The following SPATA31D4 variants were observed in gnomAD, a reference collection of about 807,000 sequenced individuals.
The protein encoded by SPATA31D4 is SPATA31 subfamily D member 4.
For missense variants in SPATA31D4, 73 were observed against 279.1 expected, an observed-to-expected ratio of 0.26 and a Z score of 5.26; for synonymous variants, 23 against 102.8, an observed-to-expected ratio of 0.22 and a Z score of 4.70.
intron 3 of SPATA31D4, 55 bp downstream of exon 3, chr9:81,930,215 T>A: frequency 1.9e-6 from 1 of 526,228 alleles, no homozygotes. Flanking sequence ...TTTTTTTTTT[T>A]TTTTTTTTTT....
Position 81,933,164 on chromosome 9 carries a change from G to C in SPATA31D4, c.*249G>C. On this transcript the variant is annotated 3_prime_UTR_variant, in exon 4 of 4. Transcript: ENST00000419782. Reference sequence around the variant, plus strand: ...GCCTGTCTCCTCACCTATTGGCAAAGAAGGGCAGGGGACCCTGAGAAGACA... The same window carrying C: ...GCCTGTCTCCTCACCTATTGGCAAACAAGGGCAGGGGACCCTGAGAAGACA... 1.5e-6 allele frequency: 1 copy of C among 676,774 alleles called. No homozygotes were observed. The highest frequency in any genetic ancestry group is 2.5e-6 in the Non-Finnish European group (1 of 395,172). The allele number at this position is 676,774 out of a possible 1,614,324, so 41.9% of individuals were successfully genotyped here.
In SPATA31D4 at chr9:81,932,977, G is replaced by A. The variant is rs1290143799; in HGVS notation, c.*62G>A. 31 of 1,504,252 alleles carry A rather than the reference G, an allele frequency of 2.1e-5. 3 individuals are homozygous for A. Among genetic ancestry groups the A allele is most frequent in the African/African-American group, 2.8e-5 (2 of 71,442 alleles). The allele number at this position is 1,504,252 out of a possible 1,614,324, so 93.2% of individuals were successfully genotyped here. A position where few individuals can be genotyped will look rare whatever the true frequency, so the allele number is the denominator to read the frequency against. On this transcript the variant is annotated 3_prime_UTR_variant, in exon 4 of 4. Transcript: ENST00000419782. Reference sequence around the variant, plus strand: ...CCATAGAAATCTTCAAATCAGAAGAGGATATTTCCAATTCCTTTTCCCATT... The same window carrying A: ...CCATAGAAATCTTCAAATCAGAAGAAGATATTTCCAATTCCTTTTCCCATT...
rs1361799737 is a variant in SPATA31D4 at position 81,932,525 on chromosome 9, AT to A, written c.2365del (p.Ser789LeufsTer6). The A allele has an allele frequency of 6.7e-7, 1 of 1,487,634 alleles. No homozygotes were observed. The highest frequency in any genetic ancestry group is 9.2e-7 in the Non-Finnish European group (1 of 1,087,036). The allele number at this position is 1,487,634 out of a possible 1,614,324, so 92.2% of individuals were successfully genotyped here. ...ACCATCTCTTGCATGATCCGGAGAC[AT>A]CTTCAGACGAGGATCTGAGGTCTAA... ...KNHLLHDPET[S>X]SDEDLRSNSE... On this transcript the variant is annotated frameshift_variant, in exon 4 of 4. Coordinates refer to ENST00000419782, the MANE Select transcript of SPATA31D4 (RefSeq NM_001145197.1). LOFTEE classifies it low-confidence loss of function (END_TRUNC).
At chr9:81,930,195 C>G in intron 3 of SPATA31D4, 35 bp downstream of exon 3, 1 of 471,912 alleles carries the variant, frequency 2.1e-6, no homozygotes, top group Non-Finnish European at 2.8e-6. Flanking sequence ...CTGTTCCCAC[C>G]GCCTTCTTTT....
Position 81,932,535 on chromosome 9 carries a change from G to A in SPATA31D4, c.2374G>A (p.Glu792Lys), listed in dbSNP as rs368419977. 3.0e-4 allele frequency: 444 copies of A among 1,487,400 alleles called. 17 individuals are homozygous for A. The African/African-American group carries it at 4.8e-3, about 16-fold the overall frequency. 92.1% of individuals were successfully genotyped at this position (1,487,400 alleles called of 1,614,324 possible). ...LLHDPETSSDEDLRSNSERDL... is the reference protein window; with the variant it reads ...LLHDPETSSDKDLRSNSERDL... ...GCATGATCCGGAGACATCTTCAGAC[G>A]AGGATCTGAGGTCTAACTCTGAGAG... is the stretch of plus-strand genomic sequence containing the variant. Residue 792 changes from glutamate to lysine, a missense_variant, in exon 4 of 4, where the codon GAG becomes AAG. Physicochemically the swap from Glu to Lys is moderately conservative, Grantham distance 56 (BLOSUM62 1). Coordinates refer to ENST00000419782, the MANE Select transcript of SPATA31D4 (RefSeq NM_001145197.1).
At chr9:81,930,043 T>A in intron 2 of SPATA31D4, 57 bp from the exon 3 acceptor site, 2 of 162,900 alleles carry the variant, frequency 1.2e-5, no homozygotes, top group Non-Finnish European at 1.9e-5. Flanking sequence ...GAGTTACTTC[T>A]GTATGATCCC....
Position 81,933,028 on chromosome 9 carries a change from T to C in SPATA31D4, c.*113T>C. 6.9e-7 allele frequency: 1 copy of C among 1,449,092 alleles called. No homozygotes were observed. Among genetic ancestry groups the C allele is most frequent in the Non-Finnish European group, 9.5e-7 (1 of 1,048,266 alleles). The allele number at this position is 1,449,092 out of a possible 1,614,324, so 89.8% of individuals were successfully genotyped here. A position where few individuals can be genotyped will look rare whatever the true frequency, so the allele number is the denominator to read the frequency against. On this transcript the variant is annotated 3_prime_UTR_variant, in exon 4 of 4. Transcript: ENST00000419782. Reference sequence around the variant, plus strand: ...TCTACCTTCCCTCCTCAGCCAGCTTTATTTCTCAGGGAGATTCCAAAGATG... The same window carrying C: ...TCTACCTTCCCTCCTCAGCCAGCTTCATTTCTCAGGGAGATTCCAAAGATG...
At position 81,934,041 on chromosome 9, in the gene SPATA31D4, C is replaced by T. The variant is rs545624968; in HGVS notation, c.*1126C>T. On this transcript the variant is annotated 3_prime_UTR_variant, in exon 4 of 4. Coordinates refer to ENST00000419782, the MANE Select transcript of SPATA31D4 (RefSeq NM_001145197.1). ...CAGCAGCAGGAGCACAGGGTCCCTA[C>T]GCATGTCTTACAGAAATGCCAAGTT... 12 of 343,576 alleles carry T rather than the reference C, an allele frequency of 3.5e-5. 2 individuals carry two copies. Among genetic ancestry groups the T allele is most frequent in the South Asian group, 9.9e-5 (3 of 30,372 alleles). The allele number at this position is 343,576 out of a possible 1,614,324, so 21.3% of individuals were successfully genotyped here. A position where few individuals can be genotyped will look rare whatever the true frequency, so the allele number is the denominator to read the frequency against.
In SPATA31D4 at chr9:81,932,782, C is replaced by T. The variant is rs769660035; in HGVS notation, c.2621C>T (p.Ala874Val). 30 of 1,532,712 alleles carry T rather than the reference C, an allele frequency of 2.0e-5. 5 individuals are homozygous for T. The highest frequency in any genetic ancestry group is 2.6e-5 in the Non-Finnish European group (29 of 1,118,620). 94.9% of individuals were successfully genotyped at this position (1,532,712 alleles called of 1,614,324 possible). A position where few individuals can be genotyped will look rare whatever the true frequency, so the allele number is the denominator to read the frequency against. The change falls in exon 4 of 4, where the codon GCA becomes GTA. Residue 874 changes from alanine (A) to valine (V), a missense_variant. Ala to Val is a moderately conservative substitution (Grantham distance 64, BLOSUM62 0). Coordinates refer to ENST00000419782, the MANE Select transcript of SPATA31D4 (RefSeq NM_001145197.1). Reference sequence around the variant, plus strand: ...AGCCAAATTAAACATCGAAATTTGGCAGCATTGGTGAGTGAGGACCACGGC... The same window carrying T: ...AGCCAAATTAAACATCGAAATTTGGTAGCATTGGTGAGTGAGGACCACGGC... ...SHSQIKHRNL[A>V]ALVSEDHGVD...
At position 81,932,585 on chromosome 9, in the gene SPATA31D4, T is replaced by C. The variant is rs771007536; in HGVS notation, c.2424T>C (p.His808=). The change falls in exon 4 of 4, where the codon CAT becomes CAC. Residue 808 remains histidine (H), a synonymous_variant. Transcript: ENST00000419782. ...SERDLGTHMM[H]LSGNDSGVRL... ...GAGACCTAGGAACTCATATGATGCATCTGTCAGGGAATGATTCAGGGGTGA... is the reference window on the plus strand; with the variant it reads ...GAGACCTAGGAACTCATATGATGCACCTGTCAGGGAATGATTCAGGGGTGA... The C allele has an allele frequency of 4.0e-6, 6 of 1,506,094 alleles. 1 individual carries two copies. Among genetic ancestry groups the C allele is most frequent in the Non-Finnish European group, 5.5e-6 (6 of 1,098,410 alleles). The allele number at this position is 1,506,094 out of a possible 1,614,324, so 93.3% of individuals were successfully genotyped here.
Position 81,932,936 on chromosome 9 carries a change from C to A in SPATA31D4, c.*21C>A, listed in dbSNP as rs765550148. The A allele has an allele frequency of 1.3e-6, 2 of 1,505,850 alleles. No homozygotes were observed. The highest frequency in any genetic ancestry group is 4.6e-5 in the East Asian group (2 of 43,424). 93.3% of individuals were successfully genotyped at this position (1,505,850 alleles called of 1,614,324 possible). On this transcript the variant is annotated 3_prime_UTR_variant, in exon 4 of 4. Transcript: ENST00000419782. ...TATGAGGATGCTGTGGGGCCTTCCC[C>A]GCAAGATCCGTGAACCCATAGAAAT... is the stretch of plus-strand genomic sequence containing the variant.
Position 81,934,820 on chromosome 9 carries a change from GTCACCC to G in SPATA31D4, c.*1907_*1912del. The G allele has an allele frequency of 4.1e-6, 2 of 484,458 alleles. No individual in the cohort carries two copies. Among genetic ancestry groups the G allele is most frequent in the Non-Finnish European group, 7.8e-6 (2 of 257,992 alleles). 30.0% of individuals were successfully genotyped at this position (484,458 alleles called of 1,614,324 possible). ...TCTAAACCCCACTTGTCAGCGTCAAGTCACCCTGGTGTGTCCAGCTGTCCCAATTAG... is the reference window on the plus strand; with the variant it reads ...TCTAAACCCCACTTGTCAGCGTCAAGTGGTGTGTCCAGCTGTCCCAATTAG... On this transcript the variant is annotated 3_prime_UTR_variant, in exon 4 of 4. Transcript: ENST00000419782.
In SPATA31D4 at chr9:81,932,972, G is replaced by C; in HGVS notation, c.*57G>C. On this transcript the variant is annotated 3_prime_UTR_variant, in exon 4 of 4. Transcript: ENST00000419782. ...TGAACCCATAGAAATCTTCAAATCAGAAGAGGATATTTCCAATTCCTTTTC... is the reference window on the plus strand; with the variant it reads ...TGAACCCATAGAAATCTTCAAATCACAAGAGGATATTTCCAATTCCTTTTC... The C allele has an allele frequency of 6.6e-7, 1 of 1,508,636 alleles. No individual in the cohort carries two copies. Among genetic ancestry groups the C allele is most frequent in the Non-Finnish European group, 9.1e-7 (1 of 1,103,876 alleles). The allele number at this position is 1,508,636 out of a possible 1,614,324, so 93.5% of individuals were successfully genotyped here.
At position 81,934,203 on chromosome 9, in the gene SPATA31D4, A is replaced by T. The variant is rs201024176; in HGVS notation, c.*1288A>T. 6.2e-3 allele frequency: 2,236 copies of T among 357,884 alleles called. No homozygotes were observed. Among genetic ancestry groups the T allele is most frequent in the African/African-American group, 0.048 (2,019 of 42,046 alleles). The allele number at this position is 357,884 out of a possible 1,614,324, so 22.2% of individuals were successfully genotyped here. A position where few individuals can be genotyped will look rare whatever the true frequency, so the allele number is the denominator to read the frequency against. On this transcript the variant is annotated 3_prime_UTR_variant, in exon 4 of 4. Transcript: ENST00000419782. ...CCTGTTCATAACAAGGCATCAGGAG[A>T]GGTGCCTGGGAGCAAATCTTCCCCA...
chr9:81,933,388 TACTG>T lies in SPATA31D4; in HGVS notation c.*476_*479del, dbSNP rs1470289379. The T allele has an allele frequency of 1.0e-3, 156 of 150,386 alleles. 4 individuals are homozygous for T. In the South Asian group the frequency reaches 0.014, roughly 13 times the overall value. 9.3% of individuals were successfully genotyped at this position (150,386 alleles called of 1,614,324 possible). A position where few individuals can be genotyped will look rare whatever the true frequency, so the allele number is the denominator to read the frequency against. Reference sequence around the variant, plus strand: ...GGACCCTCAGAAGAGAATTCGCTGATACTGACGAGGATCTTACAGAAAGTGTCTG... The same window carrying T: ...GGACCCTCAGAAGAGAATTCGCTGATACGAGGATCTTACAGAAAGTGTCTG... On this transcript the variant is annotated 3_prime_UTR_variant, in exon 4 of 4. Coordinates refer to ENST00000419782, the MANE Select transcript of SPATA31D4 (RefSeq NM_001145197.1).
chr9:81,934,059 G>A lies in SPATA31D4; in HGVS notation c.*1144G>A, dbSNP rs1178385885. 1.2e-4 allele frequency: 43 copies of A among 360,892 alleles called. 3 individuals carry two copies. Among genetic ancestry groups the A allele is most frequent in the East Asian group, 5.5e-4 (14 of 25,666 alleles). The allele number at this position is 360,892 out of a possible 1,614,324, so 22.4% of individuals were successfully genotyped here. A position where few individuals can be genotyped will look rare whatever the true frequency, so the allele number is the denominator to read the frequency against. ...GTCCCTACGCATGTCTTACAGAAAT[G>A]CCAAGTTAAGAATTTTTCACCAGCT... On this transcript the variant is annotated 3_prime_UTR_variant, in exon 4 of 4. Coordinates refer to ENST00000419782, the MANE Select transcript of SPATA31D4 (RefSeq NM_001145197.1).
At position 81,932,091 on chromosome 9, in the gene SPATA31D4, CA is replaced by C; in HGVS notation, c.1931del (p.Gln644ArgfsTer37). On this transcript the variant is annotated frameshift_variant, in exon 4 of 4. Transcript: ENST00000419782. LOFTEE classifies it low-confidence loss of function (END_TRUNC). Reference sequence around the variant, plus strand: ...TTTACCCTCTGTGGTTCAAAAATCCCAGGAAGACTTTTGTCCTCCAGCTCCC... The same window carrying C: ...TTTACCCTCTGTGGTTCAAAAATCCCGGAAGACTTTTGTCCTCCAGCTCCC... ...WGLPSVVQKS[Q>X]EDFCPPAPNP... is the part of the protein sequence containing the mutation. The C allele has an allele frequency of 3.1e-6, 1 of 320,274 alleles. No individual in the cohort carries two copies. Among genetic ancestry groups the C allele is most frequent in the Non-Finnish European group, 5.4e-6 (1 of 185,932 alleles). The allele number at this position is 320,274 out of a possible 1,614,324, so 19.8% of individuals were successfully genotyped here.
chr9:81,932,993 T>G lies in SPATA31D4; in HGVS notation c.*78T>G, dbSNP rs1823794161. The G allele has an allele frequency of 2.0e-6, 3 of 1,475,788 alleles. No homozygotes were observed. Among genetic ancestry groups the G allele is most frequent in the Admixed American group, 3.9e-5 (2 of 51,426 alleles). 91.4% of individuals were successfully genotyped at this position (1,475,788 alleles called of 1,614,324 possible). A position where few individuals can be genotyped will look rare whatever the true frequency, so the allele number is the denominator to read the frequency against. ...ATCAGAAGAGGATATTTCCAATTCC[T>G]TTTCCCATTTCTACCTTCCCTCCTC... On this transcript the variant is annotated 3_prime_UTR_variant, in exon 4 of 4. Transcript: ENST00000419782.
Position 81,932,964 on chromosome 9 carries a change from T to A in SPATA31D4, c.*49T>A, listed in dbSNP as rs768157290. On this transcript the variant is annotated 3_prime_UTR_variant, in exon 4 of 4. Coordinates refer to ENST00000419782, the MANE Select transcript of SPATA31D4 (RefSeq NM_001145197.1). ...AAGATCCGTGAACCCATAGAAATCT[T>A]CAAATCAGAAGAGGATATTTCCAAT... The A allele has an allele frequency of 4.0e-5, 60 of 1,512,434 alleles. 9 individuals are homozygous for A. The East Asian group carries it at 1.2e-3, about 31-fold the overall frequency. 93.7% of individuals were successfully genotyped at this position (1,512,434 alleles called of 1,614,324 possible). A position where few individuals can be genotyped will look rare whatever the true frequency, so the allele number is the denominator to read the frequency against.
Sources: gnomAD v4.1 joint callset for allele counts on GRCh38, gnomAD v4.1.1 for gene constraint, MANE v1.5 for transcripts, NCBI Gene and HGNC (gene_info 2026-07-23, HGNC 2026-07-21) for gene names.